The following KDM6A variants were observed in gnomAD, a reference collection of about 807,000 sequenced individuals.
The protein encoded by KDM6A is lysine demethylase 6A, also known as lysine-specific demethylase 6A.
Under a neutral mutation model 117.6 loss-of-function variants are expected in KDM6A, and 11 were observed. The observed-to-expected ratio is 0.09, with a 90% CI of 0.06 to 0.15. KDM6A has a LOEUF of 0.15. Among genes scored for constraint, KDM6A ranks in the 10% least tolerant of loss-of-function variants. KDM6A has a pLI of 1.00. For missense variants in KDM6A, 799 were observed against 1,077.3 expected (o/e 0.74, Z 3.62); for synonymous variants, 384 against 396.1 (o/e 0.97, Z 0.36).
At chrX:45,006,206 C>T (rs1602545128) in intron 4 of KDM6A, among the ~76,000 whole-genome samples, 1 of 88,314 alleles carries the variant, frequency 1.1e-5, no homozygotes, top group East Asian at 4.4e-4. Context: ...GGTTATTCCT[C>T]GCACTGGGTG....
At chrX:45,102,515 A>G in intron 27 of KDM6A, among the ~76,000 whole-genome samples, 1 of 111,744 alleles carries the variant, frequency 8.9e-6, no homozygotes, top group Non-Finnish European at 1.9e-5. Flanking sequence ...GTCCACACCC[A>G]TTTGACCTAA....
chrX:45,052,659 G>A (rs1023388109), intron 9 of KDM6A, among the ~76,000 whole-genome samples: 8 of 111,132 alleles, frequency 7.2e-5, no homozygotes, highest in Admixed American at 6.7e-4. Context: ...TATTATGAAG[G>A]CAATGTTTGT....
chrX:44,982,188 T>C (rs1343785886), intron 4 of KDM6A, among the ~76,000 whole-genome samples: 2 of 111,992 alleles, frequency 1.8e-5, no homozygotes, highest in Non-Finnish European at 3.8e-5. Flanking sequence ...TTAAACGTTA[T>C]GGTAACATGG....
At chrX:44,987,740 C>T (rs1275072564) in intron 4 of KDM6A, among the ~76,000 whole-genome samples, 2 of 111,859 alleles carry the variant, frequency 1.8e-5, no homozygotes, top group Non-Finnish European at 3.8e-5. Context: ...TTGGCCTCCA[C>T]TCTCTTCTGG....
intron 2 of KDM6A, among the ~76,000 whole-genome samples, chrX:44,931,421 G>A (rs2036620575): frequency 8.9e-6 from 1 of 111,901 alleles, no homozygotes; most frequent in South Asian, 3.7e-4. Context: ...TGTTCATTGT[G>A]ACATTATTCA....
chrX:45,032,134 C>G (rs1218610355), intron 6 of KDM6A, among the ~76,000 whole-genome samples: 2 of 111,672 alleles, frequency 1.8e-5, no homozygotes, highest in African/African-American at 6.5e-5. Flanking sequence ...ACTGCAGAGG[C>G]CTCTTCTGCA....
chrX:44,895,457 CT>C (rs1225560971), intron 2 of KDM6A, among the ~76,000 whole-genome samples: 11,187 of 81,537 alleles, frequency 0.14, 991 homozygotes, highest in African/African-American at 0.29. Flanking sequence ...TTATTGATTG[CT>C]TTTTTTTTTT....
chrX:45,085,868 A>G lies in KDM6A; in HGVS notation c.3593A>G (p.His1198Arg). Residue 1198 changes from histidine to arginine, a missense_variant, in exon 25 of 30, where the codon CAT becomes CGT. His to Arg is a conservative substitution (Grantham distance 29). Around this residue, in one of 8 missense-constraint regions of KDM6A, gnomAD observed 291 missense variants for 437.9 expected, o/e 0.66. Coordinates refer to ENST00000611820, the MANE Select transcript of KDM6A (RefSeq NM_001291415.2). ...TTTTTTTCTTTTCACATTTCAGGTC[A>G]TCAGGAAAATAACAACTTCTGTTCA... is the stretch of plus-strand genomic sequence containing the variant. ...MKVPGSRTPG[H>R]QENNNFCSVN... 2 of 1,175,917 alleles carry G rather than the reference A, an allele frequency of 1.7e-6. No individual in the cohort carries two copies. The highest frequency in any genetic ancestry group is 1.2e-6 in the Non-Finnish European group (1 of 862,942).
At chrX:44,994,252 C>T (rs2040758452) in intron 4 of KDM6A, among the ~76,000 whole-genome samples, 2 of 111,886 alleles carry the variant, frequency 1.8e-5, no homozygotes, top group African/African-American at 6.5e-5. Flanking sequence ...TCCCTTTCCC[C>T]ACCCTCCCTG....
Position 45,076,436 on chromosome X carries a change from C to T in KDM6A, c.2859-261C>T, listed in dbSNP as rs17147090. The stretch of plus-strand genomic sequence containing the variant: ...TAGGTGAAAATAAATTGGAAAATTA[C>T]GAGCAAAATAAGGAATGTCATCAAT... On this transcript the variant is annotated intron_variant, in intron 18 of 29. Coordinates refer to ENST00000611820, the MANE Select transcript of KDM6A (RefSeq NM_001291415.2). Among the ~76,000 whole-genome samples, 653 of 110,770 alleles carry T rather than the reference C, an allele frequency of 5.9e-3. 5 individuals are homozygous for T. Among genetic ancestry groups the T allele is most frequent in the African/African-American group, 0.02 (615 of 30,571 alleles).
At position 45,090,793 on chromosome X, in the gene KDM6A, C is replaced by T; in HGVS notation, c.3963C>T (p.Pro1321=). Residue 1321 remains proline (P), a synonymous_variant, in exon 27 of 30, where the codon CCC becomes CCT. Coordinates refer to ENST00000611820, the MANE Select transcript of KDM6A (RefSeq NM_001291415.2). The part of the protein sequence containing the change: ...NKLQSVKSIV[P]MVHLSWNMAR... ...TGCAAAGTGTGAAGTCAATAGTACC[C>T]ATGGTTCATCTTTCCTGGAATATGG... 3.3e-6 allele frequency: 4 copies of T among 1,208,529 alleles called. No homozygotes were observed. Among genetic ancestry groups the T allele is most frequent in the Non-Finnish European group, 4.5e-6 (4 of 893,147 alleles).
intron 2 of KDM6A, among the ~76,000 whole-genome samples, chrX:44,922,409 A>T (rs763509393): frequency 7.2e-5 from 8 of 110,592 alleles, no homozygotes; most frequent in African/African-American, 2.6e-4. Flanking sequence ...CTTATTCGCC[A>T]TCTGTATATT....
intron 18 of KDM6A, among the ~76,000 whole-genome samples, chrX:45,076,103 A>G (rs1329141071): frequency 3.6e-5 from 4 of 111,567 alleles, no homozygotes; most frequent in African/African-American, 9.7e-5. Context: ...CCAGTAAGTA[A>G]TAATTATATA....
intron 17 of KDM6A, 76 bp downstream of exon 17, chrX:45,063,893 AAG>A: frequency 1.0e-6 from 1 of 981,870 alleles, no homozygotes; most frequent in Non-Finnish European, 1.4e-6. Flanking sequence ...TTGAGAGAAG[AAG>A]AGAGAAGTGT....
At chrX:44,967,710 T>C (rs2039102699) in intron 3 of KDM6A, among the ~76,000 whole-genome samples, 1 of 112,509 alleles carries the variant, frequency 8.9e-6, no homozygotes, top group African/African-American at 3.2e-5. Context: ...GTCATTTTGC[T>C]CTCATCTACT....
At chrX:44,982,704 T>TA (rs1488181234) in intron 4 of KDM6A, among the ~76,000 whole-genome samples, 6 of 111,970 alleles carry the variant, frequency 5.4e-5, no homozygotes, top group Admixed American at 9.5e-5. Context: ...CTGTACTTCT[T>TA]ACCAGCCCTG....
intron 4 of KDM6A, among the ~76,000 whole-genome samples, chrX:44,994,777 C>T (rs1372975856): frequency 9.0e-6 from 1 of 111,085 alleles, no homozygotes; most frequent in African/African-American, 3.3e-5. Flanking sequence ...TGTGTCGTTC[C>T]CCTATTGGCT....
chrX:45,034,649 C>G (rs2042734519), intron 6 of KDM6A, among the ~76,000 whole-genome samples: 3 of 111,561 alleles, frequency 2.7e-5, no homozygotes, highest in African/African-American at 6.5e-5. Context: ...ACTTAAAAAT[C>G]TTCACCTTTT....
At chrX:45,054,159 C>CAGCT (rs2043970551) in intron 10 of KDM6A, among the ~76,000 whole-genome samples, 1 of 111,707 alleles carries the variant, frequency 9.0e-6, no homozygotes, top group African/African-American at 3.3e-5. Flanking sequence ...TCTGGTCTAG[C>CAGCT]AGGACGTTTC....
Sources: gnomAD v4.1 joint callset for allele counts (sites outside exome capture counted in the v4.1 genomes callset) on GRCh38, gnomAD v4.1.1 for gene constraint, gnomAD v4.1.1 regional missense constraint, MANE v1.5 for transcripts, NCBI Gene and HGNC (gene_info 2026-07-23, HGNC 2026-07-21) for gene names.